Variants in CFI observed in about 807,000 individuals in gnomAD.
The protein encoded by CFI is complement factor I, also known as C3B/C4B inactivator.
CFI carries 66 observed loss-of-function variants against 78.8 expected under a neutral mutation model. The ratio of observed to expected loss-of-function variants is 0.84; its 90% CI spans 0.69 to 1.03. CFI has a LOEUF of 1.03. Among genes scored for constraint, CFI ranks in the 50% least tolerant of loss-of-function variants. The pLI is 0.00. For missense variants in CFI, 706 were observed against 704.5 expected (o/e 1.00, Z -0.02); for synonymous variants, 250 against 232.6 (o/e 1.07, Z -0.68).
intron 1 of CFI, among the ~76,000 whole-genome samples, chr4:109,771,978 G>A (rs1257753032): frequency 6.6e-6 from 1 of 152,152 alleles, no homozygotes; most frequent in African/African-American, 2.4e-5. Context: ...AGCAATCAGA[G>A]CACGGTGAAG....
intron 7 of CFI, among the ~76,000 whole-genome samples, chr4:109,754,383 T>G (rs1725847463): frequency 6.8e-6 from 1 of 146,986 alleles, no homozygotes; most frequent in Admixed American, 6.9e-5. Context: ...CAGGTATGGG[T>G]TAGCATTAGG....
intron 11 of CFI, 50 bp downstream of exon 11, chr4:109,746,172 C>A (rs750795864): frequency 1.9e-6 from 3 of 1,598,606 alleles, no homozygotes; most frequent in Non-Finnish European, 2.6e-6. Context: ...TTTCTATTCT[C>A]TTTCATTTCC....
chr4:109,746,222 C>CT lies in CFI; in HGVS notation c.1428dup (p.Asp477ArgfsTer2). The CT allele has an allele frequency of 6.2e-7, 1 of 1,614,036 alleles. No homozygotes were observed. The highest frequency in any genetic ancestry group is 8.5e-7 in the Non-Finnish European group (1 of 1,179,990). ...GATTAACAAACTGTAAAACATATAC[C>CT]TTTTTCTCGTCCCCAGCCAGAAACG... is the stretch of plus-strand genomic sequence containing the variant. On this transcript the variant is annotated frameshift_variant and splice_region_variant, in exon 11 of 13. Coordinates refer to ENST00000394634, the MANE Select transcript of CFI (RefSeq NM_000204.5). LOFTEE classifies it high-confidence loss of function.
intron 2 of CFI, 117 bp from the exon 3 acceptor site, chr4:109,764,807 G>T: frequency 1.1e-6 from 1 of 939,562 alleles, no homozygotes; most frequent in Non-Finnish European, 1.6e-6. Context: ...ACATCATGAC[G>T]ATTTTAACAA....
intron 1 of CFI, among the ~76,000 whole-genome samples, chr4:109,792,441 T>A (rs1731502968): frequency 6.6e-6 from 1 of 152,078 alleles, no homozygotes. Context: ...CCGGGCGTGG[T>A]GGTGCACTCC....
intron 7 of CFI, among the ~76,000 whole-genome samples, chr4:109,757,111 C>T (rs898316430): frequency 1.3e-5 from 2 of 151,996 alleles, no homozygotes; most frequent in African/African-American, 4.8e-5. Context: ...TCACTGCAAG[C>T]TCCGCCTCCC....
At chr4:109,790,020 ATTC>A (rs1731191571) in intron 1 of CFI, among the ~76,000 whole-genome samples, 1 of 152,010 alleles carries the variant, frequency 6.6e-6, no homozygotes, top group Non-Finnish European at 1.5e-5. Flanking sequence ...AGATTTTCTA[ATTC>A]TTCTTGAATT....
At chr4:109,792,357 C>T (rs1410058525) in intron 1 of CFI, among the ~76,000 whole-genome samples, 1 of 152,058 alleles carries the variant, frequency 6.6e-6, no homozygotes, top group African/African-American at 2.4e-5. Context: ...GGGCAGATCA[C>T]CTGAGGTCAG....
chr4:109,754,223 C>T (rs1725823864), intron 7 of CFI, among the ~76,000 whole-genome samples: 1 of 151,146 alleles, frequency 6.6e-6, no homozygotes, highest in Non-Finnish European at 1.5e-5. Context: ...ACCTCGTGAT[C>T]CACCCGCCTT....
intron 6 of CFI, among the ~76,000 whole-genome samples, chr4:109,759,009 C>A (rs1726677746): frequency 6.6e-6 from 1 of 152,296 alleles, no homozygotes; most frequent in Non-Finnish European, 1.5e-5. Context: ...GGGAGAATCC[C>A]TTGAACCCAG....
chr4:109,786,251 G>A (rs559211191), intron 1 of CFI, among the ~76,000 whole-genome samples: 2 of 152,006 alleles, frequency 1.3e-5, no homozygotes, highest in Admixed American at 6.6e-5. Flanking sequence ...GGCTGGTCTC[G>A]AACTCCTGAC....
chr4:109,765,973 C>T (rs1384208286), intron 2 of CFI, among the ~76,000 whole-genome samples: 1 of 152,014 alleles, frequency 6.6e-6, no homozygotes, highest in Non-Finnish European at 1.5e-5. Context: ...AAAAAATTAG[C>T]TGGGCATGGT....
At chr4:109,791,620 T>C (rs1296219728) in intron 1 of CFI, among the ~76,000 whole-genome samples, 14 of 152,014 alleles carry the variant, frequency 9.2e-5, no homozygotes, top group Non-Finnish European at 7.4e-5. Context: ...TTTTTGTATA[T>C]GGTCTAAAGA....
chr4:109,799,132 C>T (rs1468710894), intron 1 of CFI, among the ~76,000 whole-genome samples: 1 of 152,084 alleles, frequency 6.6e-6, no homozygotes. Flanking sequence ...TCCTAAACTC[C>T]CCAATACACA....
intron 6 of CFI, among the ~76,000 whole-genome samples, chr4:109,758,119 TAAC>T (rs1726557165): frequency 6.6e-6 from 1 of 152,074 alleles, no homozygotes; most frequent in Admixed American, 6.5e-5. Context: ...TAAACTGAAG[TAAC>T]AATGATAGTT....
Position 109,749,325 on chromosome 4 carries a change from TAA to T in CFI, c.1045-6_1045-5del. ...CCACCTGCCATGGGAGGTCTCCCTG[TAA>T]AAGACATTTGTGTGGTCACTGCCAT... is the stretch of plus-strand genomic sequence containing the variant. On this transcript the variant is annotated splice_polypyrimidine_tract_variant and splice_region_variant and intron_variant, in intron 9 of 12. Coordinates refer to ENST00000394634, the MANE Select transcript of CFI (RefSeq NM_000204.5). The T allele has an allele frequency of 6.2e-7, 1 of 1,612,574 alleles. No homozygotes were observed. The highest frequency in any genetic ancestry group is 8.5e-7 in the Non-Finnish European group (1 of 1,178,584).
intron 6 of CFI, chr4:109,758,012 A>G (rs1726543518): frequency 1.6e-6 from 2 of 1,281,450 alleles, no homozygotes; most frequent in Non-Finnish European, 1.0e-6. Flanking sequence ...TTTGATTTGA[A>G]TAAAATATGC....
downstream of CFI, among the ~76,000 whole-genome samples, chr4:109,737,286 A>G (rs1343381220): frequency 6.6e-6 from 1 of 152,034 alleles, no homozygotes; most frequent in Non-Finnish European, 1.5e-5. Flanking sequence ...GGCTCCAGTC[A>G]CTATGAACTG....
At position 109,779,962 on chromosome 4, in the gene CFI, A is replaced by T. The variant is rs574995263; in HGVS notation, c.58-13138T>A. Among the ~76,000 whole-genome samples, 4 of 148,698 alleles carry T rather than the reference A, an allele frequency of 2.7e-5. No individual in the cohort carries two copies. The South Asian group carries it at 6.9e-4, about 26-fold the overall frequency. On this transcript the variant is annotated intron_variant, in intron 1 of 12. Transcript: ENST00000394634. ...GCTGAAACTGGATCCCTTCCTTATAAGGTGTATATTTACACCTTATAAAAA... is the reference window on the plus strand; with the variant it reads ...GCTGAAACTGGATCCCTTCCTTATATGGTGTATATTTACACCTTATAAAAA...
Sources: gnomAD v4.1 joint callset for allele counts (sites outside exome capture counted in the v4.1 genomes callset) on GRCh38, gnomAD v4.1.1 for gene constraint, MANE v1.5 for transcripts, NCBI Gene and HGNC (gene_info 2026-07-23, HGNC 2026-07-21) for gene names.